The following XAB2 variants were observed in gnomAD, a reference collection of about 807,000 sequenced individuals.
The protein encoded by XAB2 is pre-mRNA-splicing factor SYF1.
A neutral mutation model predicts 113.4 loss-of-function variants in XAB2; 57 were observed. The observed-to-expected ratio is 0.50, with a 90% CI of 0.41 to 0.63. XAB2 has a LOEUF of 0.63. Among genes scored for constraint, XAB2 ranks in the 20% least tolerant of loss-of-function variants. The pLI is 0.00. For synonymous variants in XAB2, 497 were observed against 498.8 expected (o/e 1.00, Z 0.05); for missense variants, 1,037 against 1,233.3 (o/e 0.84, Z 2.38).
chr19:7,626,682 A>C (rs763339731), intron 4 of XAB2, among the ~76,000 whole-genome samples: 3 of 151,330 alleles, frequency 2.0e-5, no homozygotes, highest in Non-Finnish European at 2.9e-5. Context: ...GTCCAGCCTC[A>C]GTCCTGACTG....
intron 4 of XAB2, among the ~76,000 whole-genome samples, chr19:7,626,472 C>T (rs903848174): frequency 3.9e-5 from 6 of 152,164 alleles, no homozygotes; most frequent in Non-Finnish European, 7.4e-5. Context: ...TAGGCTCAAC[C>T]CCCTGTGGGT....
In XAB2 at chr19:7,625,798, C is replaced by T. The variant is rs794081; in HGVS notation, c.822+82G>A. 0.22 allele frequency: 334,121 copies of T among 1,502,996 alleles called. 38,405 individuals carry two copies. The highest frequency in any genetic ancestry group is 0.24 in the Non-Finnish European group (267,727 of 1,120,218). The allele number at this position is 1,502,996 out of a possible 1,614,324, so 93.1% of individuals were successfully genotyped here. A position where few individuals can be genotyped will look rare whatever the true frequency, so the allele number is the denominator to read the frequency against. On this transcript the variant is annotated intron_variant, in intron 6 of 18. Coordinates refer to ENST00000358368, the MANE Select transcript of XAB2 (RefSeq NM_020196.3). This position sits in a 1 kb window ranked among gnomAD's most constrained non-coding sequence, Gnocchi z 5.2. ...CCAGCCATAAATGGCATGTTTTCTG[C>T]CTGTGCATGTGTCAACATGTGTCCC...
rs772503812 is a variant in XAB2 at position 7,624,484 on chromosome 19, G to A, written c.823-39C>T. On this transcript the variant is annotated intron_variant, in intron 6 of 18. Coordinates refer to ENST00000358368, the MANE Select transcript of XAB2 (RefSeq NM_020196.3). This position sits in a 1 kb window ranked among gnomAD's most constrained non-coding sequence, Gnocchi z 4.2. ...GGGAAGGGGAGGTGAGAGGAAAGTG[G>A]CGCAGGGGACAGGCAGCAGCACTCT... 1.2e-6 allele frequency: 2 copies of A among 1,612,826 alleles called. No homozygotes were observed. The highest frequency in any genetic ancestry group is 1.7e-5 in the Admixed American group (1 of 60,000).
chr19:7,620,207 C>G (rs541854702), intron 16 of XAB2, 68 bp downstream of exon 16: 5 of 1,604,018 alleles, frequency 3.1e-6, no homozygotes, highest in Non-Finnish European at 3.4e-6. Flanking sequence ...CTCCCAGACC[C>G]GGAAAGCCCA....
rs779099614 is a variant in XAB2, at chr19:7,625,924, A to C, written c.778T>G (p.Cys260Gly). The C allele has an allele frequency of 4.3e-6, 7 of 1,613,460 alleles. No individual in the cohort carries two copies. The highest frequency in any genetic ancestry group is 5.9e-6 in the Non-Finnish European group (7 of 1,179,724). ...RFTDQLGKLWCSLADYYIRSG... is the reference protein window; with the variant it reads ...RFTDQLGKLWGSLADYYIRSG... ...CGGATGTAGTAGTCGGCGAGAGAAC[A>C]CCAGAGCTTGCCCAGCTGGTCGGTG... is the stretch of plus-strand genomic sequence containing the variant. Residue 260 changes from cysteine to glycine, a missense_variant, in exon 6 of 19, where the codon TGT (cysteine) becomes GGT (glycine). Physicochemically the swap from Cys to Gly is radical, Grantham distance 159. Coordinates refer to ENST00000358368, the MANE Select transcript of XAB2 (RefSeq NM_020196.3). This position sits in a 1 kb window ranked among gnomAD's most constrained non-coding sequence, Gnocchi z 5.2.
Position 7,625,804 on chromosome 19 carries a change from C to T in XAB2, c.822+76G>A, listed in dbSNP as rs2031127105. ...ATAAATGGCATGTTTTCTGCCTGTG[C>T]ATGTGTCAACATGTGTCCCCGAGTG... On this transcript the variant is annotated intron_variant, in intron 6 of 18. Transcript: ENST00000358368. The surrounding 1 kb of genome is among the most constrained non-coding windows in gnomAD (Gnocchi z 5.2). 1.3e-6 allele frequency: 2 copies of T among 1,519,140 alleles called. No homozygotes were observed. Among genetic ancestry groups the T allele is most frequent in the South Asian group, 1.3e-5 (1 of 77,508 alleles). 94.1% of individuals were successfully genotyped at this position (1,519,140 alleles called of 1,614,324 possible).
chr19:7,623,300 G>A lies in XAB2; in HGVS notation c.1120-11C>T, dbSNP rs771543784. The stretch of plus-strand genomic sequence containing the variant: ...GTAGGTGTTGATGATCTGGGGACAG[G>A]AGGGAGGAGGTCATATAGGACTCAG... On this transcript the variant is annotated splice_polypyrimidine_tract_variant and intron_variant, in intron 8 of 18. Transcript: ENST00000358368. The surrounding 1 kb of genome is among the most constrained non-coding windows in gnomAD (Gnocchi z 4.6). 2 of 1,613,126 alleles carry A rather than the reference G, an allele frequency of 1.2e-6. No homozygotes were observed. The highest frequency in any genetic ancestry group is 2.2e-5 in the South Asian group (2 of 91,068).
Position 7,620,678 on chromosome 19 carries a change from C to T in XAB2, c.1972-9G>A, listed in dbSNP as rs376277782. The T allele has an allele frequency of 3.1e-6, 5 of 1,612,202 alleles. No individual in the cohort carries two copies. The highest frequency in any genetic ancestry group is 1.1e-5 in the South Asian group (1 of 91,068). On this transcript the variant is annotated splice_polypyrimidine_tract_variant and intron_variant, in intron 14 of 18. Transcript: ENST00000358368. ...TGCTCGTCCGACAGCACCTGGACAC[C>T]GGGGTTGGGGAGGCCGGGAGTGAGG...
Position 7,623,932 on chromosome 19 carries a change from C to T in XAB2, c.968-50G>A, listed in dbSNP as rs1213287287. The T allele has an allele frequency of 6.7e-7, 1 of 1,490,840 alleles. No homozygotes were observed. Among genetic ancestry groups the T allele is most frequent in the Non-Finnish European group, 8.9e-7 (1 of 1,121,710 alleles). The allele number at this position is 1,490,840 out of a possible 1,614,324, so 92.4% of individuals were successfully genotyped here. A position where few individuals can be genotyped will look rare whatever the true frequency, so the allele number is the denominator to read the frequency against. On this transcript the variant is annotated intron_variant, in intron 7 of 18. Coordinates refer to ENST00000358368, the MANE Select transcript of XAB2 (RefSeq NM_020196.3). The surrounding 1 kb of genome is among the most constrained non-coding windows in gnomAD (Gnocchi z 4.6). ...AGGGGCGGAGACCCAGGATGCAGGT[C>T]CCCGGATGCCACCGCCTCCACTCCC...
rs377513983 is a variant in XAB2, at chr19:7,624,281, C to A, written c.967+20G>T. 3.5e-5 allele frequency: 56 copies of A among 1,611,584 alleles called. No individual in the cohort carries two copies. The highest frequency in any genetic ancestry group is 4.7e-5 in the Non-Finnish European group (55 of 1,179,966). ...TCCACTCAGCTCTCTCCCCACCAGC[C>A]GGGGCCCCCAGAGGCTCACCCTCCT... is the stretch of plus-strand genomic sequence containing the variant. On this transcript the variant is annotated intron_variant, in intron 7 of 18. Coordinates refer to ENST00000358368, the MANE Select transcript of XAB2 (RefSeq NM_020196.3). This position sits in a 1 kb window ranked among gnomAD's most constrained non-coding sequence, Gnocchi z 4.2.
rs2031075604 is a variant in XAB2, at chr19:7,623,334, A to G, written c.1120-45T>C. 6.2e-7 allele frequency: 1 copy of G among 1,603,320 alleles called. No homozygotes were observed. Among genetic ancestry groups the G allele is most frequent in the South Asian group, 1.1e-5 (1 of 90,900 alleles). ...GGTCATATAGGACTCAGGACCCTGC[A>G]GATGACGGTCGGGGCAGAGCTGTGG... On this transcript the variant is annotated intron_variant, in intron 8 of 18. Transcript: ENST00000358368. This position sits in a 1 kb window ranked among gnomAD's most constrained non-coding sequence, Gnocchi z 4.6.
intron 12 of XAB2, chr19:7,622,065 C>T (rs2031044915): frequency 2.5e-6 from 1 of 405,620 alleles, no homozygotes; most frequent in South Asian, 3.1e-5. Flanking sequence ...AAAAGTGACA[C>T]ACACAAAGAG....
chr19:7,619,548 G>A lies in XAB2; in HGVS notation c.*38C>T. On this transcript the variant is annotated 3_prime_UTR_variant, in exon 19 of 19. Coordinates refer to ENST00000358368, the MANE Select transcript of XAB2 (RefSeq NM_020196.3). ...CATGATGTACAAACGTAGCTGTATT[G>A]GGGAGGGGGTGGGGAGGGGGGATGG... is the stretch of plus-strand genomic sequence containing the variant. 1 of 1,448,768 alleles carries A rather than the reference G, an allele frequency of 6.9e-7. No homozygotes were observed. Among genetic ancestry groups the A allele is most frequent in the Non-Finnish European group, 9.3e-7 (1 of 1,076,692 alleles). 89.7% of individuals were successfully genotyped at this position (1,448,768 alleles called of 1,614,324 possible).
At position 7,627,660 on chromosome 19, in the gene XAB2, T is replaced by TCCCCCCCC; in HGVS notation, c.324+67_324+68insGGGGGGGG. ...CCTAACATGCTGAGCCCAGCCCCTG[T>TCCCCCCCC]CCCCGCCCCACCCACCACCATGGAC... is the stretch of plus-strand genomic sequence containing the variant. On this transcript the variant is annotated intron_variant, in intron 3 of 18. Transcript: ENST00000358368. This position sits in a 1 kb window ranked among gnomAD's most constrained non-coding sequence, Gnocchi z 4.5. 6.4e-7 allele frequency: 1 copy of TCCCCCCCC among 1,572,302 alleles called. No homozygotes were observed. Among genetic ancestry groups the TCCCCCCCC allele is most frequent in the Non-Finnish European group, 8.7e-7 (1 of 1,148,010 alleles).
rs1438173833 is a variant in XAB2 at position 7,624,379 on chromosome 19, C to G, written c.889G>C (p.Asp297His). 1 of 1,614,196 alleles carries G rather than the reference C, an allele frequency of 6.2e-7. No individual in the cohort carries two copies. The highest frequency in any genetic ancestry group is 1.3e-5 in the African/African-American group (1 of 75,058). ...CTCTCCTCGAACTGGGCGTAGCTGTCAAACACCTGTGTGAAGTCCCGCACG... is the reference window on the plus strand; with the variant it reads ...CTCTCCTCGAACTGGGCGTAGCTGTGAAACACCTGTGTGAAGTCCCGCACG... Reference protein sequence around the residue: ...MTVRDFTQVFDSYAQFEESMI... With the variant: ...MTVRDFTQVFHSYAQFEESMI... Residue 297 changes from aspartate to histidine, a missense_variant, in exon 7 of 19, where the codon GAC becomes CAC. Coordinates refer to ENST00000358368, the MANE Select transcript of XAB2 (RefSeq NM_020196.3). This position sits in a 1 kb window ranked among gnomAD's most constrained non-coding sequence, Gnocchi z 4.2.
chr19:7,621,776 G>A, intron 12 of XAB2: 1 of 189,522 alleles, frequency 5.3e-6, no homozygotes, highest in Non-Finnish European at 1.1e-5. Context: ...CCCACCCCCT[G>A]GACCCCACAA....
rs1305170981 is a variant in XAB2 at position 7,620,646 on chromosome 19, A to G, written c.1995T>C (p.Arg665=). ...AIEVLSDEHA[R]EMCLRFADME... ...TGTCTGCAAACCGCAGGCACATCTC[A>G]CGCGCGTGCTCGTCCGACAGCACCT... Residue 665 remains arginine, a synonymous_variant, in exon 15 of 19, where the codon CGT becomes CGC. Coordinates refer to ENST00000358368, the MANE Select transcript of XAB2 (RefSeq NM_020196.3). 6.2e-7 allele frequency: 1 copy of G among 1,611,160 alleles called. No homozygotes were observed. Among genetic ancestry groups the G allele is most frequent in the Admixed American group, 1.7e-5 (1 of 59,976 alleles).
chr19:7,626,558 C>T (rs2031144689), intron 4 of XAB2, among the ~76,000 whole-genome samples: 2 of 151,788 alleles, frequency 1.3e-5, no homozygotes, highest in South Asian at 4.2e-4. Flanking sequence ...CCTTGACCCG[C>T]AAGGGCACAG....
In XAB2 at chr19:7,622,681, C is replaced by G; in HGVS notation, c.1372-20G>C. On this transcript the variant is annotated intron_variant, in intron 10 of 18. Coordinates refer to ENST00000358368, the MANE Select transcript of XAB2 (RefSeq NM_020196.3). The stretch of plus-strand genomic sequence containing the variant: ...GGCCTTCTGCAGGGGCAGACAGTGG[C>G]CGGGGAGGCGCTCAGGGGCTGTCCC... 1 of 1,611,960 alleles carries G rather than the reference C, an allele frequency of 6.2e-7. No individual in the cohort carries two copies. Among genetic ancestry groups the G allele is most frequent in the Non-Finnish European group, 8.5e-7 (1 of 1,179,820 alleles).
Sources: gnomAD v4.1 joint callset for allele counts (sites outside exome capture counted in the v4.1 genomes callset) on GRCh38, gnomAD v4.1.1 for gene constraint, Gnocchi (gnomAD v3.1) non-coding constraint, MANE v1.5 for transcripts, NCBI Gene and HGNC (gene_info 2026-07-23, HGNC 2026-07-21) for gene names.